HAPLN1: variants seen among roughly 807,000 people sequenced by gnomAD.
HAPLN1 encodes the protein hyaluronan and proteoglycan link protein 1.
In HAPLN1, 13 loss-of-function variants were observed where a neutral mutation model predicts 36.5. That is an observed-to-expected ratio of 0.36 (90% CI 0.23 to 0.57). The LOEUF (loss-of-function observed/expected upper bound fraction) is 0.57, where lower values mean the gene tolerates loss of function less well. Ranked by LOEUF, HAPLN1 falls within the 20% of genes least tolerant of loss-of-function variation. The pLI, the probability that HAPLN1 is intolerant of heterozygous loss-of-function variation, is 0.83. For synonymous variants in HAPLN1, 202 were observed against 169.8 expected (o/e 1.19, Z -1.48); for missense variants, 407 against 439.7 (o/e 0.93, Z 0.66).
In HAPLN1 at chr5:83,663,211, T is replaced by A. The variant is rs78065588; in HGVS notation, c.100+10213A>T. 9.4e-4 allele frequency among the ~76,000 whole-genome samples: 143 copies of A among 152,326 alleles called. 2 individuals carry two copies. The East Asian group carries it at 0.026, about 28-fold the overall frequency. On this transcript the variant is annotated intron_variant, in intron 2 of 4. Transcript: ENST00000274341. ...GATGCTGTCTTAAGAGGATGAAGGCTGAAAAATAGCAGGCCTTTGGATTTT... is the reference window on the plus strand; with the variant it reads ...GATGCTGTCTTAAGAGGATGAAGGCAGAAAAATAGCAGGCCTTTGGATTTT...
At chr5:83,666,423 T>C (rs1750552230) in intron 2 of HAPLN1, among the ~76,000 whole-genome samples, 1 of 152,160 alleles carries the variant, frequency 6.6e-6, no homozygotes, top group South Asian at 2.1e-4. Context: ...GCTTCACACA[T>C]ACTATGCTGA....
intron 3 of HAPLN1, among the ~76,000 whole-genome samples, chr5:83,650,635 T>C (rs1750028984): frequency 6.9e-6 from 1 of 144,204 alleles, no homozygotes; most frequent in African/African-American, 2.6e-5. Context: ...TTCTTTTCTT[T>C]TTTTTTTTTT....
chr5:83,654,632 G>A (rs942576650), intron 2 of HAPLN1, among the ~76,000 whole-genome samples: 1 of 152,210 alleles, frequency 6.6e-6, no homozygotes, highest in African/African-American at 2.4e-5. Context: ...CACTCCAGGA[G>A]CTGGGCCTTC....
chr5:83,667,017 T>C (rs1561308883), intron 2 of HAPLN1, among the ~76,000 whole-genome samples: 1 of 152,222 alleles, frequency 6.6e-6, no homozygotes, highest in Non-Finnish European at 1.5e-5. Flanking sequence ...TTAATAGCTC[T>C]TTATTCTTAG....
chr5:83,707,961 A>C (rs981847052), intron 1 of HAPLN1, among the ~76,000 whole-genome samples: 1 of 152,252 alleles, frequency 6.6e-6, no homozygotes, highest in Non-Finnish European at 1.5e-5. Flanking sequence ...ATATGTTATA[A>C]AAGCTCAATA....
In HAPLN1 at chr5:83,686,899, T is replaced by A. The variant is rs138367000; in HGVS notation, c.-26-13350A>T. On this transcript the variant is annotated intron_variant, in intron 1 of 4. Coordinates refer to ENST00000274341, the MANE Select transcript of HAPLN1 (RefSeq NM_001884.4). ...CTCTACATCTGGAAGGGTGTGTTGT[T>A]TCTCCATTCCTGAATTTCAAGGAAA... is the stretch of plus-strand genomic sequence containing the variant. Among the ~76,000 whole-genome samples, 1,062 of 152,226 alleles carry A rather than the reference T, an allele frequency of 7.0e-3. 18 individuals are homozygous for A. The highest frequency in any genetic ancestry group is 0.025 in the African/African-American group (1,024 of 41,506).
At chr5:83,684,831 AC>A (rs1466560619) in intron 1 of HAPLN1, among the ~76,000 whole-genome samples, 3 of 152,096 alleles carry the variant, frequency 2.0e-5, no homozygotes, top group African/African-American at 7.2e-5. Context: ...ATCTTTACAT[AC>A]CTCATAAGAA....
At chr5:83,692,251 T>C (rs1292833102) in intron 1 of HAPLN1, among the ~76,000 whole-genome samples, 1 of 151,814 alleles carries the variant, frequency 6.6e-6, no homozygotes, top group Non-Finnish European at 1.5e-5. Flanking sequence ...TCAAATTTGA[T>C]AAAAATTACA....
intron 1 of HAPLN1, among the ~76,000 whole-genome samples, chr5:83,694,887 G>C (rs1751356014): frequency 6.6e-6 from 1 of 152,112 alleles, no homozygotes; most frequent in African/African-American, 2.4e-5. Context: ...TTAAATTGAA[G>C]AGGAGAGAAT....
At position 83,638,269 on chromosome 5, in the gene HAPLN1, T is replaced by C. The variant is rs988305036; in HGVS notation, c.*3227A>G. The stretch of plus-strand genomic sequence containing the variant: ...TACAGAAAATCAAAACATTTTTTTT[T>C]TGGTAATACAGATTGATTCTTCTCC... On this transcript the variant is annotated 3_prime_UTR_variant, in exon 5 of 5. Transcript: ENST00000274341. The C allele has an allele frequency of 6.6e-6, 1 of 152,028 alleles. No homozygotes were observed. 9.4% of individuals were successfully genotyped at this position (152,028 alleles called of 1,614,324 possible). A position where few individuals can be genotyped will look rare whatever the true frequency, so the allele number is the denominator to read the frequency against.
intron 1 of HAPLN1, among the ~76,000 whole-genome samples, chr5:83,719,768 AAT>A (rs1751982727): frequency 6.6e-6 from 1 of 152,236 alleles, no homozygotes; most frequent in Non-Finnish European, 1.5e-5. Context: ...ATCACATAGA[AAT>A]AGTTACCAGA....
At chr5:83,705,163 C>T (rs1751610188) in intron 1 of HAPLN1, among the ~76,000 whole-genome samples, 9 of 151,870 alleles carry the variant, frequency 5.9e-5, no homozygotes, top group Admixed American at 5.9e-4. Context: ...GCTGAGGCAG[C>T]TGGATTACCT....
intron 2 of HAPLN1, among the ~76,000 whole-genome samples, chr5:83,668,717 A>T (rs1750620317): frequency 6.6e-6 from 1 of 152,192 alleles, no homozygotes. Flanking sequence ...CAACAAACAT[A>T]CATTGAGCAC....
chr5:83,719,325 T>A (rs1193093968), intron 1 of HAPLN1, among the ~76,000 whole-genome samples: 1 of 152,196 alleles, frequency 6.6e-6, no homozygotes, highest in Non-Finnish European at 1.5e-5. Context: ...TGTAGAGCAG[T>A]GGTCTGTTGA....
At chr5:83,658,318 T>G (rs1663914324) in intron 2 of HAPLN1, among the ~76,000 whole-genome samples, 1 of 152,190 alleles carries the variant, frequency 6.6e-6, no homozygotes, top group Admixed American at 6.5e-5. Context: ...ACAATCACTC[T>G]GCCTTGTTTA....
chr5:83,655,109 G>C (rs1012584026), intron 2 of HAPLN1, among the ~76,000 whole-genome samples: 3 of 152,184 alleles, frequency 2.0e-5, no homozygotes, highest in Non-Finnish European at 1.5e-5. Context: ...TTTGAATCAT[G>C]TGGAGTAAAA....
intron 1 of HAPLN1, among the ~76,000 whole-genome samples, chr5:83,691,824 C>T (rs1376517474): frequency 1.1e-4 from 16 of 151,626 alleles, no homozygotes; most frequent in Non-Finnish European, 1.9e-4. Flanking sequence ...ATAGTAGATA[C>T]GGATGATAGA....
intron 1 of HAPLN1, among the ~76,000 whole-genome samples, chr5:83,711,466 AAAC>A (rs1343237528): frequency 6.6e-6 from 1 of 152,218 alleles, no homozygotes; most frequent in Non-Finnish European, 1.5e-5. Flanking sequence ...ATCCCTTTGC[AAAC>A]AACAGAACAA....
At chr5:83,696,255 T>C (rs1580157330) in intron 1 of HAPLN1, among the ~76,000 whole-genome samples, 3 of 152,096 alleles carry the variant, frequency 2.0e-5, no homozygotes, top group African/African-American at 4.8e-5. Context: ...ATAAATTAAA[T>C]GAGACATAAA....
Sources: gnomAD v4.1 joint callset for allele counts (sites outside exome capture counted in the v4.1 genomes callset) on GRCh38, gnomAD v4.1.1 for gene constraint, MANE v1.5 for transcripts, NCBI Gene and HGNC (gene_info 2026-07-23, HGNC 2026-07-21) for gene names.